Variants in DLGAP2 observed in about 807,000 individuals in gnomAD.
DLGAP2 encodes the protein disks large-associated protein 2.
In DLGAP2, 26 loss-of-function variants were observed where a neutral mutation model predicts 100.3. The ratio of observed to expected loss-of-function variants is 0.26; its 90% confidence interval spans 0.19 to 0.36. The LOEUF (loss-of-function observed/expected upper bound fraction) is 0.36, where lower values mean the gene tolerates loss of function less well. Among genes scored for constraint, DLGAP2 ranks in the 10% least tolerant of loss-of-function variants. The pLI is 1.00. For missense variants in DLGAP2, 1,858 were observed against 1,453.2 expected (o/e 1.28, Z -4.53); for synonymous variants, 886 against 630.1 (o/e 1.41, Z -6.08).
chr8:1,234,250 A>G (rs1798596975), intron 2 of DLGAP2, among the ~76,000 whole-genome samples: 1 of 152,220 alleles, frequency 6.6e-6, no homozygotes, highest in Non-Finnish European at 1.5e-5. Flanking sequence ...GAGTGGAACC[A>G]GCACAGGAAT....
chr8:1,613,560 A>T (rs1262423400), intron 6 of DLGAP2, among the ~76,000 whole-genome samples: 3 of 151,978 alleles, frequency 2.0e-5, no homozygotes, highest in Non-Finnish European at 4.4e-5. Context: ...AAAAAAGAAA[A>T]GAAAAGAAAA....
intron 2 of DLGAP2, among the ~76,000 whole-genome samples, chr8:1,242,416 G>A (rs905992241): frequency 2.6e-5 from 4 of 152,226 alleles, no homozygotes; most frequent in African/African-American, 4.8e-5. Context: ...GGTCAGCAGC[G>A]AAGGGCTTGG....
chr8:1,106,063 T>G (rs1161404145), intron 2 of DLGAP2, among the ~76,000 whole-genome samples: 1 of 148,646 alleles, frequency 6.7e-6, no homozygotes. Context: ...CAGGAGGGTT[T>G]TCTATTGAGG....
chr8:1,228,642 A>G (rs1298061102), intron 2 of DLGAP2, among the ~76,000 whole-genome samples: 2 of 152,234 alleles, frequency 1.3e-5, no homozygotes, highest in African/African-American at 4.8e-5. Context: ...ACATCTGCAA[A>G]TCAATTAATG....
At chr8:1,634,660 A>G (rs917280519) in intron 8 of DLGAP2, among the ~76,000 whole-genome samples, 18 of 152,220 alleles carry the variant, frequency 1.2e-4, no homozygotes, top group African/African-American at 4.3e-4. Context: ...TACTTTCAGC[A>G]GTATTTGTTT....
intron 4 of DLGAP2, among the ~76,000 whole-genome samples, chr8:1,528,259 A>C (rs1800863555): frequency 6.6e-6 from 1 of 152,206 alleles, no homozygotes; most frequent in Non-Finnish European, 1.5e-5. Flanking sequence ...AGGCCCAAGC[A>C]GGAGCCCACC....
intron 6 of DLGAP2, among the ~76,000 whole-genome samples, chr8:1,580,675 C>T (rs973882115): frequency 1.3e-5 from 2 of 152,054 alleles, no homozygotes; most frequent in African/African-American, 2.4e-5. Flanking sequence ...AAACCCCATA[C>T]ACATCTACAC....
At chr8:1,675,197 C>T (rs1798783516) in intron 10 of DLGAP2, among the ~76,000 whole-genome samples, 1 of 152,250 alleles carries the variant, frequency 6.6e-6, no homozygotes, top group African/African-American at 2.4e-5. Flanking sequence ...GTCCGTTCCC[C>T]TGGATCCACG....
At chr8:1,483,782 AG>A (rs1159382003) in intron 3 of DLGAP2, among the ~76,000 whole-genome samples, 1 of 152,120 alleles carries the variant, frequency 6.6e-6, no homozygotes, top group East Asian at 1.9e-4. Context: ...GGGACCAGGG[AG>A]GCAGGCAGGG....
intron 3 of DLGAP2, among the ~76,000 whole-genome samples, chr8:1,429,341 C>A (rs888511802): frequency 6.6e-6 from 1 of 152,116 alleles, no homozygotes; most frequent in Non-Finnish European, 1.5e-5. Flanking sequence ...CTGGGGCCAT[C>A]CCAGCCCATT....
At chr8:1,475,544 A>T (rs973930869) in intron 3 of DLGAP2, among the ~76,000 whole-genome samples, 8 of 152,158 alleles carry the variant, frequency 5.3e-5, no homozygotes, top group Non-Finnish European at 1.0e-4. Flanking sequence ...GTGAGGATCA[A>T]TGAGCGGCTG....
intron 2 of DLGAP2, among the ~76,000 whole-genome samples, chr8:949,629 G>A (rs1799425089): frequency 6.6e-6 from 1 of 152,212 alleles, no homozygotes; most frequent in Admixed American, 6.5e-5. Flanking sequence ...TCCTCATTGT[G>A]GGTCACTCTT....
At chr8:918,839 T>A (rs1197865304) in intron 2 of DLGAP2, among the ~76,000 whole-genome samples, 1 of 152,230 alleles carries the variant, frequency 6.6e-6, no homozygotes, top group Admixed American at 6.5e-5. Context: ...ATTGGAGACA[T>A]CAAAGCATAT....
chr8:1,420,859 G>A (rs1051718170), intron 3 of DLGAP2, among the ~76,000 whole-genome samples: 80 of 152,236 alleles, frequency 5.3e-4, no homozygotes, highest in African/African-American at 1.4e-3. Flanking sequence ...CCCCATCTGC[G>A]CAGTCCTGTT....
chr8:1,025,636 C>G (rs1390846510), intron 2 of DLGAP2, among the ~76,000 whole-genome samples: 1 of 152,136 alleles, frequency 6.6e-6, no homozygotes, highest in Admixed American at 6.5e-5. Flanking sequence ...CACATTTGGT[C>G]TTCTCTGTAC....
rs572159201 is a variant in DLGAP2 at position 1,229,586 on chromosome 8, G to C, written c.74-29265G>C. ...GTGTAATGTGACCTTTGTCATTTCT[G>C]ATTGTGCTTATTGATGAACACAGAT... On this transcript the variant is annotated intron_variant, in intron 2 of 14. Transcript: ENST00000637795. 1.9e-3 allele frequency among the ~76,000 whole-genome samples: 292 copies of C among 152,156 alleles called. 3 individuals are homozygous for C. Among genetic ancestry groups the C allele is most frequent in the African/African-American group, 6.7e-3 (279 of 41,534 alleles).
chr8:783,392 A>G (rs980156076), intron 1 of DLGAP2, among the ~76,000 whole-genome samples: 4 of 152,204 alleles, frequency 2.6e-5, no homozygotes, highest in African/African-American at 9.6e-5. Flanking sequence ...GTTTAAAGGA[A>G]TCTCATGATA....
chr8:1,321,004 C>T (rs1020956127), intron 3 of DLGAP2, among the ~76,000 whole-genome samples: 6 of 150,650 alleles, frequency 4.0e-5, no homozygotes, highest in South Asian at 2.1e-4. Flanking sequence ...TGTGCCTCTG[C>T]GTGTGTGTGG....
At chr8:1,679,426 G>A (rs1405388252) in intron 12 of DLGAP2, among the ~76,000 whole-genome samples, 1 of 139,086 alleles carries the variant, frequency 7.2e-6, no homozygotes, top group African/African-American at 2.7e-5. Context: ...TGGGAAGGCC[G>A]TGTCATTCCT....
Sources: allele counts gnomAD v4.1 joint callset (sites outside exome capture counted in the v4.1 genomes callset), GRCh38; gene constraint gnomAD v4.1.1; transcripts MANE v1.5; gene names NCBI Gene and HGNC (gene_info 2026-07-23, HGNC 2026-07-21).